Variants in NXPH1 observed in about 807,000 individuals in gnomAD.
NXPH1 encodes neurexophilin-1.
A neutral mutation model predicts 23.7 loss-of-function variants in NXPH1; 5 were observed. The observed-to-expected ratio is 0.21, with a 90% confidence interval of 0.11 to 0.44. The LOEUF is 0.44. Among genes scored for constraint, NXPH1 ranks in the 20% least tolerant of loss-of-function variants. NXPH1 has a pLI of 0.99. For missense variants in NXPH1, 324 were observed against 321.6 expected, an observed-to-expected ratio of 1.01 and a Z score of -0.06; for synonymous variants, 144 against 122.2, an observed-to-expected ratio of 1.18 and a Z score of -1.18.
intron 2 of NXPH1, among the ~76,000 whole-genome samples, chr7:8,680,944 C>T (rs1025659786): frequency 7.9e-5 from 12 of 152,200 alleles, no homozygotes; most frequent in African/African-American, 2.7e-4. Flanking sequence ...GAATACTTCA[C>T]CTGGGACAGG....
chr7:8,498,450 A>G (rs1285162989), intron 2 of NXPH1, among the ~76,000 whole-genome samples: 13 of 152,042 alleles, frequency 8.6e-5, no homozygotes, highest in Admixed American at 8.5e-4. Context: ...TTTTCCCCCT[A>G]CTTTTGAAAA....
At chr7:8,598,221 T>C (rs1160123818) in intron 2 of NXPH1, among the ~76,000 whole-genome samples, 2 of 152,146 alleles carry the variant, frequency 1.3e-5, no homozygotes, top group African/African-American at 2.4e-5. Flanking sequence ...TCCCAGCGTC[T>C]AAGCAGCTAT....
At chr7:8,609,796 G>A (rs1380236752) in intron 2 of NXPH1, among the ~76,000 whole-genome samples, 24 of 152,110 alleles carry the variant, frequency 1.6e-4, no homozygotes, top group Admixed American at 1.6e-3. Context: ...TAACATAACA[G>A]AGACTGCAGT....
chr7:8,498,356 AAGT>A (rs1347623948), intron 2 of NXPH1, among the ~76,000 whole-genome samples: 4 of 152,068 alleles, frequency 2.6e-5, no homozygotes, highest in Non-Finnish European at 5.9e-5. Context: ...CAGTGGGAAA[AAGT>A]AGAGTTGATA....
chr7:8,556,132 G>A (rs1818352937), intron 2 of NXPH1, among the ~76,000 whole-genome samples: 2 of 151,582 alleles, frequency 1.3e-5, no homozygotes, highest in Admixed American at 1.3e-4. Flanking sequence ...CCATGTTATG[G>A]CTATTGATCC....
At chr7:8,612,387 C>A (rs868196105) in intron 2 of NXPH1, among the ~76,000 whole-genome samples, 1 of 151,022 alleles carries the variant, frequency 6.6e-6, no homozygotes, top group Non-Finnish European at 1.5e-5. Flanking sequence ...CTTTTCTTCT[C>A]TCAAACATAG....
chr7:8,710,661 T>G lies in NXPH1; in HGVS notation c.55-40347T>G, dbSNP rs1353091526. Among the ~76,000 whole-genome samples, 5 of 114,336 alleles carry G rather than the reference T, an allele frequency of 4.4e-5. 1 individual carries two copies. The highest frequency in any genetic ancestry group is 1.3e-4 in the African/African-American group (3 of 23,474). The allele number at this position is 114,336 out of a possible 152,430, so 75.0% of individuals were successfully genotyped here. On this transcript the variant is annotated intron_variant, in intron 2 of 2. Coordinates refer to ENST00000405863, the MANE Select transcript of NXPH1 (RefSeq NM_152745.3). ...TTACGTTTTTTGTTTTTTTTTTTTT[T>G]TTTTTTTTTTTTGAGACGGAGTCTC...
intron 2 of NXPH1, among the ~76,000 whole-genome samples, chr7:8,477,462 G>A (rs1032711088): frequency 1.3e-5 from 2 of 151,972 alleles, no homozygotes; most frequent in Non-Finnish European, 2.9e-5. Context: ...AGGATGACTG[G>A]GAAAATGGCA....
chr7:8,441,951 G>C (rs1816308447), intron 2 of NXPH1, among the ~76,000 whole-genome samples: 1 of 151,612 alleles, frequency 6.6e-6, no homozygotes, highest in Non-Finnish European at 1.5e-5. Context: ...GGGCGGGGAG[G>C]GGATTCTCTT....
At chr7:8,475,401 A>G (rs550373484) in intron 2 of NXPH1, among the ~76,000 whole-genome samples, 9 of 152,272 alleles carry the variant, frequency 5.9e-5, no homozygotes, top group Admixed American at 5.9e-4. Context: ...ATAATTTGGG[A>G]AAATTTGGTA....
At chr7:8,624,955 A>T (rs1474972438) in intron 2 of NXPH1, among the ~76,000 whole-genome samples, 1 of 152,096 alleles carries the variant, frequency 6.6e-6, no homozygotes, top group Non-Finnish European at 1.5e-5. Context: ...TCCCTAAAAA[A>T]GTGGGGTAGG....
At chr7:8,473,858 C>A (rs183271160) in intron 2 of NXPH1, among the ~76,000 whole-genome samples, 1 of 151,888 alleles carries the variant, frequency 6.6e-6, no homozygotes, top group East Asian at 1.9e-4. Flanking sequence ...CCCAAAGAAC[C>A]GACGGTTTCA....
intron 2 of NXPH1, among the ~76,000 whole-genome samples, chr7:8,556,328 T>A (rs1818358585): frequency 6.6e-6 from 1 of 151,740 alleles, no homozygotes; most frequent in South Asian, 2.1e-4. Flanking sequence ...ATTGCTCAAC[T>A]CTGCTGTGTG....
At chr7:8,476,104 A>T (rs762115901) in intron 2 of NXPH1, among the ~76,000 whole-genome samples, 1 of 152,164 alleles carries the variant, frequency 6.6e-6, no homozygotes, top group Non-Finnish European at 1.5e-5. Flanking sequence ...TAGGTTTCTT[A>T]ACATTTTGGG....
chr7:8,549,266 C>G (rs1264605261), intron 2 of NXPH1, among the ~76,000 whole-genome samples: 1 of 151,420 alleles, frequency 6.6e-6, no homozygotes, highest in Non-Finnish European at 1.5e-5. Flanking sequence ...ATGCAATTCT[C>G]CATTAAATTA....
At chr7:8,490,734 T>C (rs1243954857) in intron 2 of NXPH1, among the ~76,000 whole-genome samples, 2 of 152,156 alleles carry the variant, frequency 1.3e-5, no homozygotes, top group East Asian at 1.9e-4. Context: ...AAAATGGCAA[T>C]AAATATTTAA....
chr7:8,549,891 A>G (rs1172184433), intron 2 of NXPH1, among the ~76,000 whole-genome samples: 2 of 151,518 alleles, frequency 1.3e-5, no homozygotes, highest in Admixed American at 6.6e-5. Context: ...CTAAACTACC[A>G]TTGTTTCTCA....
chr7:8,657,844 A>G (rs530472670), intron 2 of NXPH1, among the ~76,000 whole-genome samples: 1 of 152,212 alleles, frequency 6.6e-6, no homozygotes, highest in Non-Finnish European at 1.5e-5. Context: ...CCTGGCCAGC[A>G]TGGCGAAACA....
chr7:8,606,102 T>C (rs1819483450), intron 2 of NXPH1, among the ~76,000 whole-genome samples: 1 of 152,130 alleles, frequency 6.6e-6, no homozygotes, highest in Admixed American at 6.6e-5. Flanking sequence ...AATGATGCTA[T>C]TAAACATAGT....
Sources: allele counts gnomAD v4.1 joint callset (sites outside exome capture counted in the v4.1 genomes callset), GRCh38; gene constraint gnomAD v4.1.1; transcripts MANE v1.5; gene names NCBI Gene and HGNC (gene_info 2026-07-23, HGNC 2026-07-21).